The following MS4A6A variants were observed in gnomAD, a reference collection of about 807,000 sequenced individuals.
MS4A6A encodes the protein membrane-spanning 4-domains subfamily A member 6A.
MS4A6A carries 19 observed loss-of-function variants against 20.6 expected under a neutral mutation model. The ratio of observed to expected loss-of-function variants is 0.92; its 90% CI spans 0.64 to 1.36. The LOEUF is 1.36. MS4A6A is among the 40% of genes most tolerant of loss of function. The pLI, the probability that MS4A6A is intolerant of heterozygous loss-of-function variation, is 0.00. For synonymous variants in MS4A6A, 108 were observed against 105.0 expected (o/e 1.03, Z -0.17); for missense variants, 272 against 261.1 (o/e 1.04, Z -0.29).
chr11:60,173,249 C>G, intron 5 of MS4A6A, 120 bp from the exon 6 acceptor site: 2 of 845,456 alleles, frequency 2.4e-6, no homozygotes, highest in South Asian at 3.0e-5. Flanking sequence ...AGAAAGGACA[C>G]CATCAGGAAG....
At chr11:60,178,849 T>A (rs1051951133) in intron 3 of MS4A6A, 12 of 414,462 alleles carry the variant, frequency 2.9e-5, no homozygotes, top group Non-Finnish European at 4.8e-5. Context: ...AAAAAAAAAA[T>A]CAGACAAACC....
At chr11:60,183,109 T>A, upstream of MS4A6A, 1 of 1,532,548 alleles carries the variant, frequency 6.5e-7, no homozygotes, top group Non-Finnish European at 8.7e-7. Flanking sequence ...TTCCAGTGTT[T>A]ACAGCTATAC....
intron 5 of MS4A6A, 84 bp downstream of exon 5, chr11:60,175,314 TAGAG>T: frequency 2.6e-6 from 3 of 1,139,416 alleles, no homozygotes; most frequent in Non-Finnish European, 3.7e-6. Context: ...CCAGAACCAA[TAGAG>T]AGATTTTCAA....
intron 4 of MS4A6A, chr11:60,177,979 C>A: frequency 2.7e-6 from 1 of 371,304 alleles, no homozygotes; most frequent in East Asian, 5.4e-5. Context: ...ACCGAAAGAA[C>A]CTCATAAACA....
intron 4 of MS4A6A, 151 bp from the exon 5 acceptor site, chr11:60,175,762 C>A: frequency 1.3e-6 from 1 of 782,422 alleles, no homozygotes; most frequent in East Asian, 2.7e-5. Context: ...CAGTGTCCAG[C>A]AAAAATCTCT....
At chr11:60,180,895 T>C (rs1452750744) in intron 2 of MS4A6A, 3 of 385,702 alleles carry the variant, frequency 7.8e-6, no homozygotes, top group Admixed American at 6.7e-5. Flanking sequence ...ATGAGCCTCA[T>C]AGAAACCCAT....
chr11:60,177,074 A>G (rs1030595472), intron 4 of MS4A6A: 1 of 152,238 alleles, frequency 6.6e-6, no homozygotes, highest in African/African-American at 2.4e-5. Context: ...CATCATCGAT[A>G]GCCACATGTG....
chr11:60,172,883 G>A lies in MS4A6A; in HGVS notation c.*118C>T. On this transcript the variant is annotated 3_prime_UTR_variant, in exon 6 of 6. Transcript: ENST00000528851. ...CAATTGCCATCTGCTTTTCTTCTCT[G>A]TCTTCCATCACAATGCAAATGCCCT... 6.5e-7 allele frequency: 1 copy of A among 1,533,668 alleles called. No individual in the cohort carries two copies. Among genetic ancestry groups the A allele is most frequent in the Non-Finnish European group, 8.8e-7 (1 of 1,136,054 alleles).
rs1401896902 is a variant in MS4A6A at position 60,181,873 on chromosome 11, T to A, written c.-14-132A>T. ...CCATTAGAGAAAGAAACTGATAGTA[T>A]GGAACAGTGAAAACCACACAATCTT... On this transcript the variant is annotated intron_variant, in intron 1 of 5. Coordinates refer to ENST00000528851, the MANE Select transcript of MS4A6A (RefSeq NM_022349.4). 4.7e-5 allele frequency: 40 copies of A among 858,680 alleles called. No homozygotes were observed. In the Admixed American group the frequency reaches 9.8e-4, roughly 21 times the overall value. The allele number at this position is 858,680 out of a possible 1,614,324, so 53.2% of individuals were successfully genotyped here.
chr11:60,173,208 G>A, intron 5 of MS4A6A, 79 bp from the exon 6 acceptor site: 2 of 1,232,378 alleles, frequency 1.6e-6, no homozygotes, highest in Non-Finnish European at 2.4e-6. Context: ...TGACCATAGA[G>A]ATGAAGACCA....
At chr11:60,181,301 C>T (rs1045113711) in intron 2 of MS4A6A, 7 of 464,934 alleles carry the variant, frequency 1.5e-5, no homozygotes, top group Non-Finnish European at 2.7e-5. Flanking sequence ...ACCACCATTA[C>T]TTTTGTAAAA....
chr11:60,176,988 T>C (rs1282940574), intron 4 of MS4A6A: 1 of 152,186 alleles, frequency 6.6e-6, no homozygotes, highest in Non-Finnish European at 1.5e-5. Flanking sequence ...CTCAGTATGG[T>C]TGCCAATAGC....
chr11:60,173,219 C>A, intron 5 of MS4A6A, 90 bp from the exon 6 acceptor site: 1 of 1,103,386 alleles, frequency 9.1e-7, no homozygotes. Context: ...ATGAAGACCA[C>A]CTCAACCATT....
chr11:60,172,506 A>G lies in MS4A6A; in HGVS notation c.*495T>C, dbSNP rs1247789906. The G allele has an allele frequency of 2.5e-6, 3 of 1,199,164 alleles. No homozygotes were observed. The highest frequency in any genetic ancestry group is 3.1e-6 in the Non-Finnish European group (3 of 964,586). The allele number at this position is 1,199,164 out of a possible 1,614,324, so 74.3% of individuals were successfully genotyped here. ...CATAAGTCCATAGGGGTTTGATTCA[A>G]CAATACATTTTTAATATAGCTTTAA... On this transcript the variant is annotated 3_prime_UTR_variant, in exon 6 of 6. Transcript: ENST00000528851.
chr11:60,179,993 A>C, intron 2 of MS4A6A, 28 bp from the exon 3 acceptor site: 1 of 1,606,884 alleles, frequency 6.2e-7, no homozygotes, highest in Non-Finnish European at 8.5e-7. Context: ...GAGATTGAGG[A>C]TGAAAACCAG....
upstream of MS4A6A, chr11:60,183,202 C>T (rs911420080): frequency 2.3e-5 from 35 of 1,535,148 alleles, no homozygotes; most frequent in Non-Finnish European, 3.1e-5. Flanking sequence ...TTCAGTAAAA[C>T]CATGAAAAGA....
intron 5 of MS4A6A, among the ~76,000 whole-genome samples, chr11:60,174,286 A>G (rs1446085193): frequency 6.6e-6 from 1 of 151,086 alleles, no homozygotes; most frequent in African/African-American, 2.4e-5. Context: ...TCTTGTTTTT[A>G]TGATTGCAGG....
chr11:60,184,625 A>G (rs1264344440), upstream of MS4A6A: 1 of 152,222 alleles, frequency 6.6e-6, no homozygotes, highest in Admixed American at 6.5e-5. Context: ...GGATTATGTG[A>G]GACAACACGT....
Position 60,183,072 on chromosome 11 carries a change from C to A in MS4A6A, c.-109G>T, listed in dbSNP as rs1402051134. 6.0e-6 allele frequency: 9 copies of A among 1,502,182 alleles called. No homozygotes were observed. The highest frequency in any genetic ancestry group is 2.8e-5 in the African/African-American group (2 of 71,006). 93.1% of individuals were successfully genotyped at this position (1,502,182 alleles called of 1,614,324 possible). On this transcript the variant is annotated 5_prime_UTR_variant, in exon 1 of 6. Coordinates refer to ENST00000528851, the MANE Select transcript of MS4A6A (RefSeq NM_022349.4). ...ATCAACGGTTTCTACTTACCTTCAT[C>A]TTCTGAAAGTCATCAGCCCTTCCTT...
Sources: allele counts gnomAD v4.1 joint callset (sites outside exome capture counted in the v4.1 genomes callset), GRCh38; gene constraint gnomAD v4.1.1; transcripts MANE v1.5; gene names NCBI Gene and HGNC (gene_info 2026-07-23, HGNC 2026-07-21).